Variants in AMBRA1 observed in about 807,000 individuals in gnomAD.
AMBRA1 encodes activating molecule in BECN1-regulated autophagy protein 1.
A neutral mutation model predicts 125.4 loss-of-function variants in AMBRA1; 47 were observed. The observed-to-expected ratio is 0.37, with a 90% CI of 0.30 to 0.48. AMBRA1 has a LOEUF of 0.48. Ranked by LOEUF, AMBRA1 falls within the 20% of genes least tolerant of loss-of-function variation. AMBRA1 has a pLI of 0.99. For synonymous variants in AMBRA1, 626 were observed against 655.5 expected, an observed-to-expected ratio of 0.95 and a Z score of 0.69; for missense variants, 1,331 against 1,693.4, an observed-to-expected ratio of 0.79 and a Z score of 3.76.
chr11:46,444,062 T>G (rs980500646), intron 11 of AMBRA1, among the ~76,000 whole-genome samples: 1 of 152,236 alleles, frequency 6.6e-6, no homozygotes, highest in Non-Finnish European at 1.5e-5. Context: ...TTTATCACTT[T>G]CTTCCTAATA....
intron 7 of AMBRA1, among the ~76,000 whole-genome samples, chr11:46,540,808 CT>C (rs1952699835): frequency 6.6e-6 from 1 of 152,312 alleles, no homozygotes; most frequent in East Asian, 1.9e-4. Flanking sequence ...ATTTCGTTGT[CT>C]TGCCTCCACA....
At chr11:46,496,715 G>A (rs1306315451) in intron 9 of AMBRA1, among the ~76,000 whole-genome samples, 1 of 151,918 alleles carries the variant, frequency 6.6e-6, no homozygotes. Context: ...TGGGGAAAAT[G>A]TGGGCCCGTA....
At chr11:46,413,954 G>C (rs1414868616) in intron 15 of AMBRA1, among the ~76,000 whole-genome samples, 2 of 152,140 alleles carry the variant, frequency 1.3e-5, no homozygotes, top group African/African-American at 4.8e-5. Flanking sequence ...GGAGGAGGAA[G>C]GCTAGGAGGT....
intron 11 of AMBRA1, among the ~76,000 whole-genome samples, chr11:46,487,542 T>C (rs1950308788): frequency 6.6e-6 from 1 of 152,024 alleles, no homozygotes; most frequent in African/African-American, 2.4e-5. Context: ...GTAATATTAA[T>C]ATATATATAA....
At chr11:46,479,629 G>A (rs929185585) in intron 11 of AMBRA1, among the ~76,000 whole-genome samples, 21 of 151,468 alleles carry the variant, frequency 1.4e-4, no homozygotes, top group Non-Finnish European at 2.8e-4. Flanking sequence ...CCCAGGAGGC[G>A]GAGGTTGCAG....
chr11:46,414,862 T>C (rs1330849845), intron 15 of AMBRA1, among the ~76,000 whole-genome samples: 1 of 152,172 alleles, frequency 6.6e-6, no homozygotes, highest in Non-Finnish European at 1.5e-5. Context: ...TGGAGGATTT[T>C]TGAAGGCCTT....
chr11:46,494,427 A>C (rs991840830), intron 9 of AMBRA1: 3 of 458,966 alleles, frequency 6.5e-6, no homozygotes, highest in Middle Eastern at 6.1e-4. Context: ...CTCAGGAAAG[A>C]GGAGGATTTT....
intron 11 of AMBRA1, among the ~76,000 whole-genome samples, chr11:46,466,922 C>CT (rs11313362): frequency 5.7e-5 from 6 of 105,766 alleles, no homozygotes; most frequent in South Asian, 3.1e-4. Flanking sequence ...TTTCTTTTTT[C>CT]TTTTTTTTTT....
chr11:46,491,205 T>C (rs941006237), intron 11 of AMBRA1: 2 of 152,214 alleles, frequency 1.3e-5, no homozygotes, highest in Non-Finnish European at 2.9e-5. Context: ...CTCCCTCTTA[T>C]AAAGTCCTAA....
intron 1 of AMBRA1, among the ~76,000 whole-genome samples, chr11:46,559,416 A>G (rs1267146164): frequency 1.3e-5 from 2 of 152,214 alleles, no homozygotes; most frequent in South Asian, 4.1e-4. Flanking sequence ...CAGGCAAGAG[A>G]GTAAGCAAAG....
intron 14 of AMBRA1, among the ~76,000 whole-genome samples, chr11:46,426,070 TAA>T (rs796784265): frequency 2.0e-4 from 17 of 87,120 alleles, no homozygotes; most frequent in Admixed American, 2.3e-4. Context: ...CATCTCAAAA[TAA>T]AAAAAAAAAA....
intron 9 of AMBRA1, among the ~76,000 whole-genome samples, chr11:46,503,339 C>T (rs138640942): frequency 4.6e-5 from 7 of 152,256 alleles, no homozygotes; most frequent in Non-Finnish European, 8.8e-5. Context: ...ATGGGGGAAT[C>T]GCCAGTGAGT....
chr11:46,529,002 C>A (rs1952100667), intron 7 of AMBRA1, among the ~76,000 whole-genome samples: 2 of 152,166 alleles, frequency 1.3e-5, no homozygotes, highest in African/African-American at 4.8e-5. Flanking sequence ...AGCTGCAATT[C>A]TCTTTCTATG....
At chr11:46,473,065 A>C (rs893175641) in intron 11 of AMBRA1, among the ~76,000 whole-genome samples, 1 of 152,270 alleles carries the variant, frequency 6.6e-6, no homozygotes. Context: ...AGATCATGTT[A>C]GGAAAGTCAG....
intron 13 of AMBRA1, 46 bp downstream of exon 13, chr11:46,434,803 G>C: frequency 6.5e-7 from 1 of 1,528,726 alleles, no homozygotes; most frequent in Non-Finnish European, 8.8e-7. Flanking sequence ...ACCATGCCAA[G>C]GCACCAGCGT....
intron 11 of AMBRA1, among the ~76,000 whole-genome samples, chr11:46,492,503 C>T (rs1025402605): frequency 1.3e-5 from 2 of 152,194 alleles, no homozygotes; most frequent in African/African-American, 4.8e-5. Flanking sequence ...ATTAAAGATA[C>T]CTCTAAATGT....
chr11:46,520,447 A>G (rs1951706005), intron 7 of AMBRA1, among the ~76,000 whole-genome samples: 1 of 152,068 alleles, frequency 6.6e-6, no homozygotes, highest in Admixed American at 6.6e-5. Context: ...TATCCCACCT[A>G]CGTTATTTAT....
chr11:46,501,299 T>C, intron 9 of AMBRA1, among the ~76,000 whole-genome samples: 1 of 152,236 alleles, frequency 6.6e-6, no homozygotes, highest in East Asian at 1.9e-4. Flanking sequence ...ATCCCAAAGA[T>C]GTGCACATTG....
intron 1 of AMBRA1, among the ~76,000 whole-genome samples, chr11:46,591,998 T>C (rs1411964794): frequency 7.2e-6 from 1 of 139,842 alleles, no homozygotes; most frequent in Non-Finnish European, 1.5e-5. Context: ...TAGGCTGGAG[T>C]GCAACGGCGT....
Sources: allele counts gnomAD v4.1 joint callset (sites outside exome capture counted in the v4.1 genomes callset), GRCh38; gene constraint gnomAD v4.1.1; transcripts MANE v1.5; gene names NCBI Gene and HGNC (gene_info 2026-07-23, HGNC 2026-07-21).